Variants in PCDH15 observed in about 807,000 individuals in gnomAD.
PCDH15 encodes the protein protocadherin-15.
PCDH15 carries 129 observed loss-of-function variants against 178.5 expected under a neutral mutation model. The ratio of observed to expected loss-of-function variants is 0.72; its 90% confidence interval spans 0.63 to 0.84. The LOEUF (loss-of-function observed/expected upper bound fraction) is 0.84, where lower values mean the gene tolerates loss of function less well. PCDH15 is among the 40% of genes least tolerant of loss of function. The pLI is 0.00. For missense variants in PCDH15, 2,230 were observed against 2,099.9 expected (o/e 1.06, Z -1.21); for synonymous variants, 800 against 732.0 (o/e 1.09, Z -1.50).
In PCDH15 at chr10:55,002,697, G is replaced by A. The variant is rs117988622; in HGVS notation, c.-79-105197C>T. On this transcript the variant is annotated intron_variant, in intron 2 of 5. Coordinates refer to the PCDH15 transcript ENST00000458638. The stretch of plus-strand genomic sequence containing the variant: ...ACTACTTTCAAGAGACTCAGGGCCA[G>A]AAACTAAAACTATTCAGTCCCTGTA... Among the ~76,000 whole-genome samples the A allele has an allele frequency of 1.9e-4, 16 of 85,472 alleles. No individual in the cohort carries two copies. In the East Asian group the frequency reaches 6.4e-3, roughly 34 times the overall value. 56.1% of individuals were successfully genotyped at this position (85,472 alleles called of 152,430 possible).
chr10:54,302,685 C>T (rs767198176), intron 8 of PCDH15, among the ~76,000 whole-genome samples: 1 of 152,020 alleles, frequency 6.6e-6, no homozygotes, highest in African/African-American at 2.4e-5. Flanking sequence ...TTATGGCAGT[C>T]GATCAGACTA....
At chr10:55,507,606 G>C (rs1177910018) in intron 2 of PCDH15, among the ~76,000 whole-genome samples, 1 of 151,174 alleles carries the variant, frequency 6.6e-6, no homozygotes. Context: ...GCCCAAGCTG[G>C]AGTGCAATGG....
At chr10:55,195,235 G>A (rs948042157) in intron 1 of PCDH15, among the ~76,000 whole-genome samples, 1 of 151,732 alleles carries the variant, frequency 6.6e-6, no homozygotes, top group Non-Finnish European at 1.5e-5. Flanking sequence ...TATTGGTCAG[G>A]CTGCTCTCGA....
intron 2 of PCDH15, among the ~76,000 whole-genome samples, chr10:55,350,008 C>T (rs1338148379): frequency 6.6e-6 from 1 of 151,494 alleles, no homozygotes; most frequent in Non-Finnish European, 1.5e-5. Context: ...CTCTACTATC[C>T]TTTCACCCAG....
At chr10:53,877,356 A>G (rs906558615) in intron 26 of PCDH15, among the ~76,000 whole-genome samples, 1 of 152,208 alleles carries the variant, frequency 6.6e-6, no homozygotes, top group Non-Finnish European at 1.5e-5. Flanking sequence ...CAAGTTAACA[A>G]AAGAAAACAC....
intron 1 of PCDH15, among the ~76,000 whole-genome samples, chr10:55,300,796 A>T (rs1056020028): frequency 3.3e-5 from 5 of 152,166 alleles, no homozygotes; most frequent in Admixed American, 6.6e-5. Flanking sequence ...ATGTCAATTT[A>T]AAAAATAATG....
chr10:54,117,430 G>T (rs114072076), intron 15 of PCDH15, among the ~76,000 whole-genome samples: 1,694 of 152,190 alleles, frequency 0.011, 33 homozygotes, highest in African/African-American at 0.039. Flanking sequence ...CCTTAGATCT[G>T]GGTTCCATAA....
chr10:55,504,422 A>G (rs879773509), intron 2 of PCDH15, among the ~76,000 whole-genome samples: 2 of 151,468 alleles, frequency 1.3e-5, no homozygotes, highest in Admixed American at 6.6e-5. Context: ...ATGAGGTCTC[A>G]AAGACAAAAA....
intron 14 of PCDH15, among the ~76,000 whole-genome samples, chr10:54,146,995 A>ATATATAGTGTATATATATATAATG (rs2044035168): frequency 7.1e-6 from 1 of 141,586 alleles, no homozygotes; most frequent in African/African-American, 2.7e-5. Flanking sequence ...TATATAATGT[A>ATATATAGTGTATATATATATAATG]TATATATAGT....
chr10:54,523,117 G>A (rs1397109317), intron 3 of PCDH15, among the ~76,000 whole-genome samples: 1 of 152,044 alleles, frequency 6.6e-6, no homozygotes, highest in East Asian at 1.9e-4. Flanking sequence ...GTGCTAACCA[G>A]GTCAGCATTT....
At chr10:54,190,369 G>T (rs2048879644) in intron 11 of PCDH15, among the ~76,000 whole-genome samples, 1 of 152,120 alleles carries the variant, frequency 6.6e-6, no homozygotes, top group Admixed American at 6.5e-5. Context: ...CTATAATGAT[G>T]ATTGTCACTA....
chr10:54,333,924 C>T (rs1000906885), intron 6 of PCDH15, among the ~76,000 whole-genome samples: 31 of 152,168 alleles, frequency 2.0e-4, no homozygotes, highest in African/African-American at 5.8e-4. Context: ...ACCAATGAGG[C>T]AGAAAAGTTT....
At chr10:54,034,194 G>A (rs2093364588) in intron 18 of PCDH15, among the ~76,000 whole-genome samples, 1 of 151,856 alleles carries the variant, frequency 6.6e-6, no homozygotes, top group African/African-American at 2.4e-5. Flanking sequence ...TTTAATGAGA[G>A]AAAAATATCT....
At chr10:53,880,392 T>C (rs2080619112) in intron 26 of PCDH15, among the ~76,000 whole-genome samples, 2 of 152,174 alleles carry the variant, frequency 1.3e-5, no homozygotes, top group Admixed American at 1.3e-4. Flanking sequence ...TACTGTAAAA[T>C]GAACTTACTG....
At chr10:54,684,463 A>G (rs965132947) in intron 1 of PCDH15, among the ~76,000 whole-genome samples, 2 of 152,016 alleles carry the variant, frequency 1.3e-5, no homozygotes, top group South Asian at 4.1e-4. Flanking sequence ...ATGTTAAAGC[A>G]TATGTGGCAT....
chr10:54,871,473 A>G (rs779382880), intron 3 of PCDH15, among the ~76,000 whole-genome samples: 13 of 151,714 alleles, frequency 8.6e-5, no homozygotes, highest in Admixed American at 2.6e-4. Flanking sequence ...TTAACATCCC[A>G]AAAAGAATGG....
At chr10:54,760,090 T>C (rs1320873696) in intron 1 of PCDH15, among the ~76,000 whole-genome samples, 1 of 152,228 alleles carries the variant, frequency 6.6e-6, no homozygotes, top group Non-Finnish European at 1.5e-5. Flanking sequence ...AAACCATTCA[T>C]TGAAGTTTTT....
chr10:54,078,952 C>A (rs1948146215), intron 17 of PCDH15, among the ~76,000 whole-genome samples: 1 of 152,172 alleles, frequency 6.6e-6, no homozygotes, highest in African/African-American at 2.4e-5. Context: ...CTCTTCCTCC[C>A]TGACCCTTAA....
chr10:55,378,663 A>G (rs1405030661), intron 2 of PCDH15, among the ~76,000 whole-genome samples: 2 of 152,136 alleles, frequency 1.3e-5, no homozygotes, highest in South Asian at 2.1e-4. Context: ...CCATTCCTCA[A>G]TTCAACAGTT....
Sources: gnomAD v4.1 joint callset for allele counts (sites outside exome capture counted in the v4.1 genomes callset) on GRCh38, gnomAD v4.1.1 for gene constraint, MANE v1.5 for transcripts, NCBI Gene and HGNC (gene_info 2026-07-23, HGNC 2026-07-21) for gene names.